SEMA6D: variants seen among roughly 807,000 people sequenced by gnomAD.
The protein encoded by SEMA6D is semaphorin 6D, also known as semaphorin-6D.
Under a neutral mutation model 106.6 loss-of-function variants are expected in SEMA6D, and 35 were observed. The ratio of observed to expected loss-of-function variants is 0.33; its 90% CI spans 0.25 to 0.44. The LOEUF is 0.44. Ranked by LOEUF, SEMA6D falls within the 20% of genes least tolerant of loss-of-function variation. The pLI, the probability that SEMA6D is intolerant of heterozygous loss-of-function variation, is 1.00. For synonymous variants in SEMA6D, 499 were observed against 487.7 expected, an observed-to-expected ratio of 1.02 and a Z score of -0.31; for missense variants, 1,185 against 1,345.9, an observed-to-expected ratio of 0.88 and a Z score of 1.87.
chr15:47,357,269 GC>G, intron 1 of SEMA6D, among the ~76,000 whole-genome samples: 2 of 152,176 alleles, frequency 1.3e-5, no homozygotes, highest in South Asian at 4.2e-4. Context: ...GGGGGGCGGA[GC>G]CTGCAGTGAG....
intron 2 of SEMA6D, among the ~76,000 whole-genome samples, chr15:47,446,178 C>T (rs1192791610): frequency 2.0e-5 from 3 of 152,132 alleles, no homozygotes; most frequent in African/African-American, 7.2e-5. Context: ...GCCTGACCCC[C>T]ACCCCCACTC....
chr15:47,233,724 G>T (rs2032360495), intron 1 of SEMA6D, among the ~76,000 whole-genome samples: 1 of 151,910 alleles, frequency 6.6e-6, no homozygotes, highest in South Asian at 2.1e-4. Flanking sequence ...ATAGTTTGTT[G>T]TTAGCTTGTA....
intron 3 of SEMA6D, among the ~76,000 whole-genome samples, chr15:47,584,677 T>C (rs959593926): frequency 1.1e-4 from 17 of 152,264 alleles, no homozygotes; most frequent in African/African-American, 2.9e-4. Flanking sequence ...GTAGGCAGGG[T>C]ACAAATAATA....
chr15:47,329,459 G>A lies in SEMA6D; in HGVS notation c.-238-82934G>A, dbSNP rs368622347. On this transcript the variant is annotated intron_variant, in intron 1 of 19. Transcript: ENST00000558014. ...GAAATAGATGAGAAACTAAACAGGCGTATAAGGTTCTGGCCTCATTACCTC... is the reference window on the plus strand; with the variant it reads ...GAAATAGATGAGAAACTAAACAGGCATATAAGGTTCTGGCCTCATTACCTC... Among the ~76,000 whole-genome samples, 18 of 152,274 alleles carry A rather than the reference G, an allele frequency of 1.2e-4. No individual in the cohort carries two copies. The East Asian group carries it at 1.5e-3, about 13-fold the overall frequency.
intron 2 of SEMA6D, among the ~76,000 whole-genome samples, chr15:47,416,900 A>G (rs1360602757): frequency 5.3e-5 from 8 of 152,306 alleles, no homozygotes; most frequent in African/African-American, 1.9e-4. Flanking sequence ...GAGAACCGCC[A>G]TAACTGCAAT....
At chr15:47,652,121 G>T (rs571829656) in intron 4 of SEMA6D, among the ~76,000 whole-genome samples, 268 of 152,208 alleles carry the variant, frequency 1.8e-3, no homozygotes, top group Non-Finnish European at 3.4e-3. Context: ...ACTCCTGGTG[G>T]TCAGGAAATA....
chr15:47,675,326 A>C (rs538689905), intron 4 of SEMA6D, among the ~76,000 whole-genome samples: 9 of 152,328 alleles, frequency 5.9e-5, no homozygotes, highest in African/African-American at 2.2e-4. Context: ...AATTAAGTTA[A>C]AATGAGGCAA....
chr15:47,576,665 A>T (rs2076161094), intron 3 of SEMA6D, among the ~76,000 whole-genome samples: 1 of 152,052 alleles, frequency 6.6e-6, no homozygotes, highest in Admixed American at 6.5e-5. Context: ...CAGTCCTGTA[A>T]TTCTAAGATT....
At chr15:47,351,759 A>G (rs1325182527) in intron 1 of SEMA6D, among the ~76,000 whole-genome samples, 1 of 152,218 alleles carries the variant, frequency 6.6e-6, no homozygotes. Context: ...GACTCAAATC[A>G]GTGCCTCACA....
intron 4 of SEMA6D, among the ~76,000 whole-genome samples, chr15:47,634,210 A>G: frequency 6.6e-6 from 1 of 152,160 alleles, no homozygotes; most frequent in East Asian, 1.9e-4. Flanking sequence ...AACACCAATA[A>G]AAATGGGTCA....
chr15:47,327,182 G>A (rs1158288544), intron 1 of SEMA6D, among the ~76,000 whole-genome samples: 1 of 152,170 alleles, frequency 6.6e-6, no homozygotes, highest in South Asian at 2.1e-4. Context: ...CTTGGTTTAA[G>A]TTATTTAGCC....
chr15:47,749,952 A>C (rs1373905715), intron 1 of SEMA6D, among the ~76,000 whole-genome samples: 2 of 152,174 alleles, frequency 1.3e-5, no homozygotes, highest in East Asian at 3.9e-4. Context: ...TGATGGAATG[A>C]CCACTGAGAT....
At chr15:47,274,873 A>G (rs1393271906) in intron 1 of SEMA6D, 4 of 152,154 alleles carry the variant, frequency 2.6e-5, no homozygotes, top group Non-Finnish European at 5.9e-5. Flanking sequence ...GTCTATGAAG[A>G]TAAGGAATCA....
intron 1 of SEMA6D, among the ~76,000 whole-genome samples, chr15:47,246,352 G>A (rs1191922334): frequency 1.3e-5 from 2 of 152,124 alleles, no homozygotes; most frequent in East Asian, 3.9e-4. Flanking sequence ...GCCAGTGGGA[G>A]CTAAAGCATG....
chr15:47,474,810 T>C (rs1036995109), intron 3 of SEMA6D, among the ~76,000 whole-genome samples: 1 of 152,206 alleles, frequency 6.6e-6, no homozygotes, highest in African/African-American at 2.4e-5. Context: ...CTCTAGACAA[T>C]GACGTGTGAT....
intron 3 of SEMA6D, among the ~76,000 whole-genome samples, chr15:47,539,063 A>T (rs1344120596): frequency 6.6e-6 from 1 of 152,224 alleles, no homozygotes; most frequent in African/African-American, 2.4e-5. Flanking sequence ...AGGGAAATTG[A>T]TAACCACGCC....
chr15:47,219,826 TTGGCTAGAC>T (rs1178492288), intron 1 of SEMA6D, among the ~76,000 whole-genome samples: 1 of 152,220 alleles, frequency 6.6e-6, no homozygotes, highest in African/African-American at 2.4e-5. Context: ...TTTTCTGGTC[TTGGCTAGAC>T]TTCTTTATGA....
At chr15:47,570,184 C>T (rs2046343856) in intron 3 of SEMA6D, among the ~76,000 whole-genome samples, 1 of 152,154 alleles carries the variant, frequency 6.6e-6, no homozygotes, top group African/African-American at 2.4e-5. Context: ...GACTCTGCCC[C>T]ACCCCATTCT....
chr15:47,474,287 A>G (rs1244329950), intron 3 of SEMA6D, among the ~76,000 whole-genome samples: 1 of 152,230 alleles, frequency 6.6e-6, no homozygotes, highest in Non-Finnish European at 1.5e-5. Flanking sequence ...GAGTCAGAAT[A>G]TCTTAGCCAG....
Sources: gnomAD v4.1 joint callset for allele counts (sites outside exome capture counted in the v4.1 genomes callset) on GRCh38, gnomAD v4.1.1 for gene constraint, MANE v1.5 for transcripts, NCBI Gene and HGNC (gene_info 2026-07-23, HGNC 2026-07-21) for gene names.